The following RBFOX1 variants were observed in gnomAD, a reference collection of about 807,000 sequenced individuals.
RBFOX1 encodes the protein RNA binding protein fox-1 homolog 1.
RBFOX1 carries 8 observed loss-of-function variants against 57.7 expected under a neutral mutation model. The observed-to-expected ratio is 0.14, with a 90% CI of 0.08 to 0.25. The LOEUF (loss-of-function observed/expected upper bound fraction) is 0.25, where lower values mean the gene tolerates loss of function less well. Ranked by LOEUF, RBFOX1 falls within the 10% of genes least tolerant of loss-of-function variation. RBFOX1 has a pLI of 1.00. For synonymous variants in RBFOX1, 326 were observed against 222.4 expected (o/e 1.47, Z -4.15); for missense variants, 611 against 548.5 (o/e 1.11, Z -1.14).
At chr16:7,397,484 TC>T (rs1014140247) in intron 4 of RBFOX1, among the ~76,000 whole-genome samples, 35 of 152,128 alleles carry the variant, frequency 2.3e-4, no homozygotes, top group African/African-American at 8.2e-4. Context: ...GAAACATAGA[TC>T]CACATAAAAA....
chr16:5,669,347 TG>T (rs1017029238), intron 3 of RBFOX1, among the ~76,000 whole-genome samples: 1 of 151,284 alleles, frequency 6.6e-6, no homozygotes, highest in Non-Finnish European at 1.5e-5. Context: ...CCTCAAGGCT[TG>T]GGCTCTTTGG....
intron 4 of RBFOX1, among the ~76,000 whole-genome samples, chr16:7,403,341 T>G (rs1232864563): frequency 6.6e-6 from 1 of 152,122 alleles, no homozygotes; most frequent in Non-Finnish European, 1.5e-5. Flanking sequence ...TCAGTCATCT[T>G]GGATAACTGA....
chr16:6,301,209 C>A (rs1041268256), intron 1 of RBFOX1, among the ~76,000 whole-genome samples: 1 of 152,098 alleles, frequency 6.6e-6, no homozygotes, highest in African/African-American at 2.4e-5. Flanking sequence ...TTATGCACAA[C>A]CAGACTCTAA....
intron 4 of RBFOX1, among the ~76,000 whole-genome samples, chr16:7,357,527 A>G (rs776942624): frequency 2.6e-5 from 4 of 152,052 alleles, no homozygotes; most frequent in South Asian, 4.2e-4. Context: ...ATGAAATCCA[A>G]CCACCTCCAC....
At chr16:5,803,615 G>C (rs1057383788) in intron 3 of RBFOX1, among the ~76,000 whole-genome samples, 5 of 152,140 alleles carry the variant, frequency 3.3e-5, no homozygotes. Flanking sequence ...CATTCATTAA[G>C]AACTTGATGA....
At chr16:6,161,372 G>C in intron 1 of RBFOX1, among the ~76,000 whole-genome samples, 1 of 147,568 alleles carries the variant, frequency 6.8e-6, no homozygotes, top group Non-Finnish European at 1.5e-5. Flanking sequence ...CTGGGCGATA[G>C]AGTGAGACTC....
intron 2 of RBFOX1, among the ~76,000 whole-genome samples, chr16:6,348,161 G>A (rs1322768778): frequency 6.6e-6 from 1 of 152,172 alleles, no homozygotes; most frequent in Non-Finnish European, 1.5e-5. Flanking sequence ...TTTGAGCACT[G>A]TAGGAGAGGA....
chr16:6,064,827 C>G (rs887703297), intron 1 of RBFOX1, among the ~76,000 whole-genome samples: 6 of 152,068 alleles, frequency 3.9e-5, no homozygotes, highest in Admixed American at 2.0e-4. Flanking sequence ...TCTTGCCCCT[C>G]CATCAATGAT....
chr16:5,362,426 G>A (rs539163600), intron 1 of RBFOX1, among the ~76,000 whole-genome samples: 67 of 152,264 alleles, frequency 4.4e-4, no homozygotes, highest in African/African-American at 1.4e-3. Context: ...GCAACGGCGC[G>A]ATCTCAGCTC....
At chr16:7,072,230 C>T (rs771167089) in intron 4 of RBFOX1, among the ~76,000 whole-genome samples, 4 of 152,142 alleles carry the variant, frequency 2.6e-5, no homozygotes, top group African/African-American at 4.8e-5. Context: ...GATCACTGAA[C>T]CTTCTATTCA....
At chr16:6,702,573 C>G (rs1161247313) in intron 3 of RBFOX1, among the ~76,000 whole-genome samples, 1 of 151,814 alleles carries the variant, frequency 6.6e-6, no homozygotes, top group South Asian at 2.1e-4. Flanking sequence ...AAACAAAAAT[C>G]CAAATTATAT....
intron 3 of RBFOX1, among the ~76,000 whole-genome samples, chr16:6,767,684 G>C (rs985962426): frequency 6.6e-6 from 1 of 152,010 alleles, no homozygotes; most frequent in East Asian, 1.9e-4. Context: ...GGGAGGCCAA[G>C]GTGGGCAGAT....
intron 4 of RBFOX1, among the ~76,000 whole-genome samples, chr16:7,101,099 T>C (rs1376210819): frequency 6.6e-6 from 1 of 152,254 alleles, no homozygotes; most frequent in Non-Finnish European, 1.5e-5. Flanking sequence ...GCTAGTATTC[T>C]CATGCTATGG....
rs536108389 is a variant in RBFOX1, at chr16:5,321,707, C to G, written c.219+81602C>G. On this transcript the variant is annotated intron_variant, in intron 1 of 2. Transcript: ENST00000585867. ...GTGGTGGCCGTCATGGTCCATCTTC[C>G]TCCTTCCACACCTGGGGCTACTGGT... Among the ~76,000 whole-genome samples, 5 of 152,252 alleles carry G rather than the reference C, an allele frequency of 3.3e-5. No individual in the cohort carries two copies. The East Asian group carries it at 5.8e-4, about 18-fold the overall frequency.
intron 1 of RBFOX1, among the ~76,000 whole-genome samples, chr16:5,317,551 G>T (rs2064276814): frequency 6.6e-6 from 1 of 152,192 alleles, no homozygotes; most frequent in African/African-American, 2.4e-5. Context: ...GGAGTTTGCA[G>T]TGAGCTGAGA....
In RBFOX1 at chr16:7,595,475, G is replaced by A. The variant is rs543710028; in HGVS notation, c.469-74G>A. On this transcript the variant is annotated intron_variant, in intron 7 of 15. Transcript: ENST00000550418. ...GGACAAGAAATAGAAATTAAAGCGA[G>A]AGAACATTACCAAGTGGTCGTTGAC... The A allele has an allele frequency of 2.4e-5, 28 of 1,175,376 alleles. No individual in the cohort carries two copies. The South Asian group carries it at 4.6e-4, about 19-fold the overall frequency. 72.8% of individuals were successfully genotyped at this position (1,175,376 alleles called of 1,614,324 possible). A position where few individuals can be genotyped will look rare whatever the true frequency, so the allele number is the denominator to read the frequency against.
intron 2 of RBFOX1, among the ~76,000 whole-genome samples, chr16:6,626,770 T>G (rs959579399): frequency 2.9e-5 from 4 of 140,318 alleles, no homozygotes; most frequent in African/African-American, 1.1e-4. Flanking sequence ...AATAAATAAA[T>G]AAAATAAAAT....
At chr16:6,400,931 T>C (rs764984889) in intron 2 of RBFOX1, among the ~76,000 whole-genome samples, 15 of 152,292 alleles carry the variant, frequency 9.8e-5, no homozygotes, top group Admixed American at 2.0e-4. Flanking sequence ...CTGATGGTGT[T>C]GGATTGAAAT....
intron 4 of RBFOX1, among the ~76,000 whole-genome samples, chr16:7,493,522 C>G (rs1200802733): frequency 2.0e-5 from 3 of 152,102 alleles, no homozygotes; most frequent in Admixed American, 6.5e-5. Context: ...TCTATAGTAT[C>G]CAGATGAGTC....
Sources: gnomAD v4.1 joint callset for allele counts (sites outside exome capture counted in the v4.1 genomes callset) on GRCh38, gnomAD v4.1.1 for gene constraint, MANE v1.5 for transcripts, NCBI Gene and HGNC (gene_info 2026-07-23, HGNC 2026-07-21) for gene names.